Variants in CDK13 observed in about 807,000 individuals in gnomAD.
CDK13 encodes cyclin-dependent kinase 13.
CDK13 carries 40 observed loss-of-function variants against 137.6 expected under a neutral mutation model. The ratio of observed to expected loss-of-function variants is 0.29; its 90% CI spans 0.23 to 0.38. The LOEUF is 0.38. Among genes scored for constraint, CDK13 ranks in the 10% least tolerant of loss-of-function variants. The probability of loss-of-function intolerance (pLI) is 1.00; values close to 1 mark genes in which losing one functional copy is unlikely to be tolerated. For missense variants in CDK13, 1,704 were observed against 1,951.8 expected (o/e 0.87, Z 2.39); for synonymous variants, 869 against 760.1 (o/e 1.14, Z -2.36).
chr7:40,080,020 C>T (rs1260068917), intron 11 of CDK13, among the ~76,000 whole-genome samples: 1 of 152,174 alleles, frequency 6.6e-6, no homozygotes, highest in Non-Finnish European at 1.5e-5. Flanking sequence ...CAAAGTCTCA[C>T]TCTGTCTCCC....
At position 39,951,230 on chromosome 7, in the gene CDK13, A is replaced by T. The variant is rs963108446; in HGVS notation, c.589A>T (p.Arg197Trp). The change falls in exon 1 of 14, where the codon AGG (arginine) becomes TGG (tryptophan). Residue 197 changes from arginine to tryptophan, a missense_variant. Arg to Trp is a moderately radical substitution (Grantham distance 101). Coordinates refer to ENST00000181839, the MANE Select transcript of CDK13 (RefSeq NM_003718.5). ...TQRRGEGSER[R>W]PRRDRRSSSG... ...GCGGCGCGGGGAGGGGTCGGAGCGC[A>T]GGCCCCGCCGGGACCGCCGCAGCAG... 2.3e-6 allele frequency: 3 copies of T among 1,277,574 alleles called. No individual in the cohort carries two copies. Among genetic ancestry groups the T allele is most frequent in the Non-Finnish European group, 3.0e-6 (3 of 1,015,496 alleles). The allele number at this position is 1,277,574 out of a possible 1,614,324, so 79.1% of individuals were successfully genotyped here.
chr7:40,078,268 G>A (rs1269565125), intron 10 of CDK13, 147 bp downstream of exon 10: 6 of 441,650 alleles, frequency 1.4e-5, no homozygotes, highest in Non-Finnish European at 2.4e-5. Flanking sequence ...TTTGCTACAT[G>A]CAGATTACCA....
rs1322679028 is a variant in CDK13, at chr7:39,951,136, A to AACGGCGGCG, written c.501_509dup (p.Thr169_Ala171dup). 27 of 1,242,854 alleles carry AACGGCGGCG rather than the reference A, an allele frequency of 2.2e-5. No individual in the cohort carries two copies. The highest frequency in any genetic ancestry group is 2.6e-5 in the Non-Finnish European group (26 of 994,890). 77.0% of individuals were successfully genotyped at this position (1,242,854 alleles called of 1,614,324 possible). A position where few individuals can be genotyped will look rare whatever the true frequency, so the allele number is the denominator to read the frequency against. ...TGCTGCTGGGGGGGGCCAGCGCGGCAACGGCGGCGACGGCTGCCGGGGGAA... is the reference window on the plus strand; with the variant it reads ...TGCTGCTGGGGGGGGCCAGCGCGGCAACGGCGGCGACGGCGGCGACGGCTGCCGGGGGAA... On this transcript the variant is annotated inframe_insertion, in exon 1 of 14. Transcript: ENST00000181839.
At chr7:39,962,592 C>T (rs1783773116) in intron 1 of CDK13, among the ~76,000 whole-genome samples, 1 of 152,152 alleles carries the variant, frequency 6.6e-6, no homozygotes, top group Non-Finnish European at 1.5e-5. Flanking sequence ...TGCCTGTTCA[C>T]TCTGATGGTA....
At chr7:40,032,431 T>C (rs1397954877) in intron 5 of CDK13, among the ~76,000 whole-genome samples, 1 of 152,200 alleles carries the variant, frequency 6.6e-6, no homozygotes, top group East Asian at 1.9e-4. Context: ...TTTTCACATA[T>C]TGTGATTTTG....
chr7:40,063,251 A>G, intron 9 of CDK13, 151 bp downstream of exon 9: 1 of 637,504 alleles, frequency 1.6e-6, no homozygotes, highest in Non-Finnish European at 2.7e-6. Context: ...ACTGAAATGT[A>G]GGCACTTTGA....
chr7:40,034,908 C>A (rs889614122), intron 5 of CDK13, among the ~76,000 whole-genome samples: 2 of 152,198 alleles, frequency 1.3e-5, no homozygotes, highest in Middle Eastern at 3.4e-3. Flanking sequence ...TCTCTGGATT[C>A]TTTATTTGTG....
Position 40,078,085 on chromosome 7 carries a change from A to C in CDK13, c.2861A>C (p.Lys954Thr). 6.2e-7 allele frequency: 1 copy of C among 1,602,944 alleles called. No homozygotes were observed. The highest frequency in any genetic ancestry group is 8.5e-7 in the Non-Finnish European group (1 of 1,175,578). The change falls in exon 10 of 14, where the codon AAG (lysine) becomes ACG (threonine). Residue 954 changes from lysine (K) to threonine (T), a missense_variant. Around this residue, in one of 5 missense-constraint regions of CDK13, gnomAD observed 130 missense variants for 362.4 expected, o/e 0.36. Transcript: ENST00000181839. ...TATTTCAACACCATGAAACCAAAGA[A>C]GCAATATCGTCGAAAGTTAAGAGAA... is the stretch of plus-strand genomic sequence containing the variant. The part of the protein sequence containing the change: ...LPYFNTMKPK[K>T]QYRRKLREEF...
intron 7 of CDK13, chr7:40,062,170 C>G (rs777792603): frequency 6.6e-6 from 1 of 152,194 alleles, no homozygotes; most frequent in Non-Finnish European, 1.5e-5. Context: ...CAGAACCAGT[C>G]AACGCTCTTT....
intron 7 of CDK13, among the ~76,000 whole-genome samples, chr7:40,053,726 C>T (rs993979372): frequency 3.3e-5 from 5 of 150,818 alleles, no homozygotes; most frequent in African/African-American, 1.2e-4. Context: ...ATTTATAGTA[C>T]ATGATTATAA....
chr7:40,047,208 T>C (rs1234149152), intron 6 of CDK13, among the ~76,000 whole-genome samples: 2 of 152,206 alleles, frequency 1.3e-5, no homozygotes, highest in Non-Finnish European at 2.9e-5. Flanking sequence ...GTGAACTTCT[T>C]GGAAGTGTGT....
chr7:40,027,337 T>A (rs1310385080), intron 5 of CDK13, among the ~76,000 whole-genome samples: 1 of 152,190 alleles, frequency 6.6e-6, no homozygotes, highest in Non-Finnish European at 1.5e-5. Flanking sequence ...AGTGAGACTC[T>A]GTCTCACACA....
intron 1 of CDK13, among the ~76,000 whole-genome samples, chr7:39,976,288 GTCTCTCTCTC>G (rs1174858221): frequency 3.3e-4 from 10 of 29,908 alleles, no homozygotes; most frequent in South Asian, 1.6e-3. Context: ...GCGAGATTCC[GTCTCTCTCTC>G]TCTCTCTCTC....
chr7:40,012,842 G>A (rs1404005274), intron 5 of CDK13, among the ~76,000 whole-genome samples: 1 of 151,646 alleles, frequency 6.6e-6, no homozygotes, highest in African/African-American at 2.4e-5. Context: ...AACCCGGGAG[G>A]CGGAGGTTGC....
chr7:39,999,279 G>A, intron 3 of CDK13, 82 bp from the exon 4 acceptor site: 2 of 1,107,530 alleles, frequency 1.8e-6, no homozygotes, highest in Non-Finnish European at 2.6e-6. Context: ...ATACAATTGG[G>A]TGGCGAGTAG....
intron 7 of CDK13, among the ~76,000 whole-genome samples, chr7:40,050,463 C>T (rs1204931029): frequency 6.6e-6 from 1 of 152,200 alleles, no homozygotes; most frequent in African/African-American, 2.4e-5. Context: ...GTGATCTCAG[C>T]TCACTGCAAC....
intron 1 of CDK13, among the ~76,000 whole-genome samples, chr7:39,977,525 A>G (rs1784136038): frequency 6.6e-6 from 1 of 152,218 alleles, no homozygotes; most frequent in South Asian, 2.1e-4. Context: ...TGGCGTAATA[A>G]GAGAGGGCTT....
intron 9 of CDK13, among the ~76,000 whole-genome samples, chr7:40,074,541 GAA>G (rs1786500068): frequency 7.8e-6 from 1 of 128,048 alleles, no homozygotes; most frequent in Non-Finnish European, 1.6e-5. Context: ...AAAAAAAAAA[GAA>G]AGTAAATATA....
At chr7:40,063,733 C>G (rs1786208359) in intron 9 of CDK13, among the ~76,000 whole-genome samples, 1 of 152,016 alleles carries the variant, frequency 6.6e-6, no homozygotes, top group Non-Finnish European at 1.5e-5. Context: ...TCTCCACTCA[C>G]TGCAACTTCT....
Sources: gnomAD v4.1 joint callset for allele counts (sites outside exome capture counted in the v4.1 genomes callset) on GRCh38, gnomAD v4.1.1 for gene constraint, gnomAD v4.1.1 regional missense constraint, MANE v1.5 for transcripts, NCBI Gene and HGNC (gene_info 2026-07-23, HGNC 2026-07-21) for gene names.